SELENOK: variants seen among roughly 807,000 people sequenced by gnomAD.
SELENOK encodes selenoprotein K.
SELENOK carries 11 observed loss-of-function variants against 17.3 expected under a neutral mutation model. The ratio of observed to expected loss-of-function variants is 0.63; its 90% CI spans 0.40 to 1.05. The LOEUF is 1.05. Ranked by LOEUF, SELENOK falls within the 50% of genes least tolerant of loss-of-function variation. The pLI is 0.00. For missense variants in SELENOK, 125 were observed against 113.9 expected (o/e 1.10, Z -0.44); for synonymous variants, 45 against 35.4 (o/e 1.27, Z -0.97).
At chr3:53,887,892 TTAACTAG>T (rs1255782254) in intron 2 of SELENOK, 1 of 152,276 alleles carries the variant, frequency 6.6e-6, no homozygotes, top group African/African-American at 2.4e-5. Flanking sequence ...AAACATGCAT[TTAACTAG>T]TAACTGCTTA....
chr3:53,886,969 C>T, intron 2 of SELENOK, 35 bp from the exon 3 acceptor site: 1 of 1,412,460 alleles, frequency 7.1e-7, no homozygotes, highest in Non-Finnish European at 9.6e-7. Context: ...AAAGGTATCA[C>T]TTTTGACAAC....
rs1700142394 is a variant in SELENOK, at chr3:53,888,449, C to T, written c.54G>A (p.Trp18Ter). The part of the protein sequence containing the change: ...QVLDSRSQSP[W>*]RLSLITDFFW... ...AGAAATCTGTTATCAAAGATAATCT[C>T]CATGGAGACTGACTCCGGCTGTCCA... Residue 18 changes from tryptophan (W) to a stop codon, truncating the protein, a stop_gained, in exon 2 of 5, where the codon TGG becomes TGA. Coordinates refer to ENST00000495461, the MANE Select transcript of SELENOK (RefSeq NM_021237.5). LOFTEE classifies it high-confidence loss of function. 1 of 1,612,286 alleles carries T rather than the reference C, an allele frequency of 6.2e-7. No homozygotes were observed. The highest frequency in any genetic ancestry group is 8.5e-7 in the Non-Finnish European group (1 of 1,179,602).
At chr3:53,885,676 C>A in intron 4 of SELENOK, 115 bp from the exon 5 acceptor site, 1 of 1,284,760 alleles carries the variant, frequency 7.8e-7, no homozygotes, top group Non-Finnish European at 1.1e-6. Flanking sequence ...ATAACAAGGC[C>A]AGTGAATTTT....
chr3:53,889,820 T>C lies in SELENOK; in HGVS notation c.20-1337A>G, dbSNP rs187706212. ...GTACTAAAGAGAATTTGGCTTGTTC[T>C]TCATTAAAATAACTACTGTTTTCTA... On this transcript the variant is annotated intron_variant, in intron 1 of 4. Transcript: ENST00000495461. 2.4e-3 allele frequency among the ~76,000 whole-genome samples: 362 copies of C among 152,378 alleles called. 4 individuals carry two copies. The highest frequency in any genetic ancestry group is 8.3e-3 in the African/African-American group (347 of 41,588).
chr3:53,886,775 ACT>A (rs67672345), intron 3 of SELENOK, 74 bp downstream of exon 3: 37,667 of 856,188 alleles, frequency 0.044, 988 homozygotes, highest in Middle Eastern at 0.078. Flanking sequence ...CAAAAGTCTA[ACT>A]CTATCTACCT....
At chr3:53,886,483 C>T (rs1700127647) in intron 3 of SELENOK, among the ~76,000 whole-genome samples, 1 of 152,216 alleles carries the variant, frequency 6.6e-6, no homozygotes, top group African/African-American at 2.4e-5. Context: ...ATCCACCCGC[C>T]TCAGCCTCCC....
chr3:53,886,492 C>T (rs1466384462), intron 3 of SELENOK, among the ~76,000 whole-genome samples: 1 of 152,146 alleles, frequency 6.6e-6, no homozygotes, highest in African/African-American at 2.4e-5. Context: ...CCTCAGCCTC[C>T]CAAAGTGCTG....
rs1427292245 is a variant in SELENOK, at chr3:53,885,322, C to T, written c.*236G>A. The T allele has an allele frequency of 2.5e-6, 1 of 406,328 alleles. No homozygotes were observed. Among genetic ancestry groups the T allele is most frequent in the Non-Finnish European group, 4.3e-6 (1 of 230,264 alleles). 25.2% of individuals were successfully genotyped at this position (406,328 alleles called of 1,614,324 possible). A position where few individuals can be genotyped will look rare whatever the true frequency, so the allele number is the denominator to read the frequency against. ...AAAACTATATTAATACTTTAATAAA[C>T]TATACAAAAAGGTAATGAGACAAAC... On this transcript the variant is annotated 3_prime_UTR_variant, in exon 5 of 5. Coordinates refer to ENST00000495461, the MANE Select transcript of SELENOK (RefSeq NM_021237.5).
At chr3:53,888,224 G>A in intron 2 of SELENOK, 169 bp downstream of exon 2, 1 of 561,846 alleles carries the variant, frequency 1.8e-6, no homozygotes, top group Non-Finnish European at 3.2e-6. Flanking sequence ...CTATCTGGTG[G>A]TAGCAACTTT....
chr3:53,891,028 G>A (rs1053546787), intron 1 of SELENOK: 5 of 152,172 alleles, frequency 3.3e-5, no homozygotes, highest in African/African-American at 1.2e-4. Flanking sequence ...TAAGTCTCTC[G>A]GATTCTCCAT....
chr3:53,889,242 A>C (rs948743728), intron 1 of SELENOK, among the ~76,000 whole-genome samples: 2 of 151,474 alleles, frequency 1.3e-5, no homozygotes, highest in African/African-American at 4.9e-5. Flanking sequence ...TCCAGCTGAA[A>C]CTCTATACCC....
intron 1 of SELENOK, among the ~76,000 whole-genome samples, chr3:53,891,361 GGATT>G (rs1700167633): frequency 6.6e-6 from 1 of 152,208 alleles, no homozygotes; most frequent in African/African-American, 2.4e-5. Flanking sequence ...CCGTAAAACA[GGATT>G]GAATGTGACG....
rs1482020395 is a variant in SELENOK at position 53,888,450 on chromosome 3, C to A, written c.53G>T (p.Trp18Leu). 1.9e-6 allele frequency: 3 copies of A among 1,612,120 alleles called. No homozygotes were observed. The highest frequency in any genetic ancestry group is 2.5e-6 in the Non-Finnish European group (3 of 1,179,612). ...QVLDSRSQSP[W>L]RLSLITDFFW... Reference sequence around the variant, plus strand: ...GAAATCTGTTATCAAAGATAATCTCCATGGAGACTGACTCCGGCTGTCCAA... The same window carrying A: ...GAAATCTGTTATCAAAGATAATCTCAATGGAGACTGACTCCGGCTGTCCAA... Residue 18 changes from tryptophan (W) to leucine (L), a missense_variant, in exon 2 of 5, where the codon TGG becomes TTG. By Grantham distance (61) the Trp-to-Leu change is moderately conservative (BLOSUM62 -2). Coordinates refer to ENST00000495461, the MANE Select transcript of SELENOK (RefSeq NM_021237.5).
chr3:53,890,889 C>T (rs979752077), intron 1 of SELENOK: 3 of 152,232 alleles, frequency 2.0e-5, no homozygotes, highest in African/African-American at 7.2e-5. Flanking sequence ...TCCAATGATC[C>T]ACAACTCCTT....
intron 1 of SELENOK, among the ~76,000 whole-genome samples, chr3:53,889,669 T>C (rs1362216395): frequency 4.6e-5 from 7 of 152,234 alleles, no homozygotes; most frequent in Non-Finnish European, 8.8e-5. Context: ...TTCCTAAACA[T>C]GCTGAGTATT....
intron 3 of SELENOK, among the ~76,000 whole-genome samples, chr3:53,886,200 A>G (rs1223153325): frequency 6.6e-6 from 1 of 152,222 alleles, no homozygotes; most frequent in Non-Finnish European, 1.5e-5. Context: ...TTTGCCAGGT[A>G]GAAACATAAG....
At chr3:53,885,745 G>T in intron 4 of SELENOK, 81 bp downstream of exon 4, 2 of 1,274,516 alleles carry the variant, frequency 1.6e-6, no homozygotes, top group Non-Finnish European at 2.2e-6. Context: ...ATAAGCTGCT[G>T]GGCAACTTCT....
chr3:53,891,741 G>T (rs1207988838), intron 1 of SELENOK, 29 bp downstream of exon 1: 5 of 1,613,520 alleles, frequency 3.1e-6, no homozygotes, highest in Non-Finnish European at 3.4e-6. Flanking sequence ...CAAGTCACCG[G>T]TCGAAGCCAC....
chr3:53,889,681 C>T (rs924834594), intron 1 of SELENOK, among the ~76,000 whole-genome samples: 4 of 152,170 alleles, frequency 2.6e-5, no homozygotes, highest in African/African-American at 9.7e-5. Context: ...CTGAGTATTT[C>T]TTTTCATTTG....
Sources: gnomAD v4.1 joint callset for allele counts (sites outside exome capture counted in the v4.1 genomes callset) on GRCh38, gnomAD v4.1.1 for gene constraint, MANE v1.5 for transcripts, NCBI Gene and HGNC (gene_info 2026-07-23, HGNC 2026-07-21) for gene names.